The following RUNX1T1 variants were observed in gnomAD, a reference collection of about 807,000 sequenced individuals.
RUNX1T1 encodes the protein RUNX1 partner transcriptional co-repressor 1.
In RUNX1T1, 4 loss-of-function variants were observed where a neutral mutation model predicts 62.8. That is an observed-to-expected ratio of 0.06 (90% CI 0.03 to 0.15). The LOEUF (loss-of-function observed/expected upper bound fraction) is 0.15. RUNX1T1 is among the 10% of genes least tolerant of loss of function. The pLI, the probability that RUNX1T1 is intolerant of heterozygous loss-of-function variation, is 1.00. For missense variants in RUNX1T1, 508 were observed against 754.3 expected, an observed-to-expected ratio of 0.67 and a Z score of 3.82; for synonymous variants, 291 against 286.0, an observed-to-expected ratio of 1.02 and a Z score of -0.18.
intron 1 of RUNX1T1, among the ~76,000 whole-genome samples, chr8:92,054,183 T>C (rs1830658175): frequency 6.6e-6 from 1 of 151,978 alleles, no homozygotes. Flanking sequence ...TGTTTTATTA[T>C]GTGATCACCA....
chr8:92,011,334 T>C (rs1277509639), intron 3 of RUNX1T1, among the ~76,000 whole-genome samples: 2 of 152,236 alleles, frequency 1.3e-5, no homozygotes, highest in African/African-American at 4.8e-5. Context: ...TTGAGGATAA[T>C]GTGCATGATC....
chr8:92,090,023 G>A (rs563884785), intron 1 of RUNX1T1, among the ~76,000 whole-genome samples: 7 of 149,420 alleles, frequency 4.7e-5, no homozygotes, highest in African/African-American at 1.2e-4. Flanking sequence ...AGACTTGTCC[G>A]TATGAGAGTT....
At chr8:91,989,739 T>G (rs1817278506) in intron 6 of RUNX1T1, among the ~76,000 whole-genome samples, 1 of 152,176 alleles carries the variant, frequency 6.6e-6, no homozygotes, top group South Asian at 2.1e-4. Flanking sequence ...TTTCAGTCCT[T>G]AAGTCATAAA....
chr8:91,960,173 C>T, exon 11 of RUNX1T1: 2 of 1,488,742 alleles, frequency 1.3e-6, no homozygotes, highest in Non-Finnish European at 9.1e-7. Flanking sequence ...CAACTTTGAG[C>T]ATCTGAGGAT....
At chr8:92,065,587 A>G (rs1832755912), upstream of RUNX1T1, among the ~76,000 whole-genome samples, 1 of 152,236 alleles carries the variant, frequency 6.6e-6, no homozygotes, top group South Asian at 2.1e-4. Context: ...GTTTTCTGAC[A>G]ACTTTAGATC....
chr8:91,972,242 G>C (rs1236182471), intron 9 of RUNX1T1, among the ~76,000 whole-genome samples: 3 of 152,030 alleles, frequency 2.0e-5, no homozygotes, highest in African/African-American at 7.2e-5. Flanking sequence ...CACATCTATT[G>C]TCCATGACTT....
chr8:92,096,927 C>T (rs1837795622), intron 1 of RUNX1T1, among the ~76,000 whole-genome samples: 1 of 152,116 alleles, frequency 6.6e-6, no homozygotes. Flanking sequence ...CTCCAAATCA[C>T]TTGGCCAAAA....
At chr8:92,048,129 T>C (rs1829699954) in intron 1 of RUNX1T1, among the ~76,000 whole-genome samples, 1 of 152,212 alleles carries the variant, frequency 6.6e-6, no homozygotes, top group Admixed American at 6.5e-5. Flanking sequence ...AATGATCCAT[T>C]TTCAATAAAC....
intron 1 of RUNX1T1, among the ~76,000 whole-genome samples, chr8:92,059,267 T>A (rs1315300693): frequency 6.6e-6 from 1 of 152,188 alleles, no homozygotes; most frequent in Non-Finnish European, 1.5e-5. Context: ...TGTCAGTGAA[T>A]GGACTGCTGT....
intron 1 of RUNX1T1, among the ~76,000 whole-genome samples, chr8:92,024,520 A>AAAAT (rs1554625202): frequency 1.1e-4 from 16 of 149,602 alleles, no homozygotes; most frequent in African/African-American, 3.9e-4. Flanking sequence ...AAAAAAAAAA[A>AAAAT]AAAGCAACCC....
intron 10 of RUNX1T1, among the ~76,000 whole-genome samples, chr8:91,967,927 T>A (rs1811981216): frequency 1.3e-5 from 2 of 152,184 alleles, no homozygotes; most frequent in Non-Finnish European, 1.5e-5. Flanking sequence ...AATACTGTGA[T>A]TTTTTAAAAA....
At chr8:92,084,274 G>A (rs1835745104) in intron 1 of RUNX1T1, among the ~76,000 whole-genome samples, 1 of 140,430 alleles carries the variant, frequency 7.1e-6, no homozygotes, top group East Asian at 2.2e-4. Flanking sequence ...TAAAAGATGG[G>A]GTGTTTTGTT....
intron 1 of RUNX1T1, among the ~76,000 whole-genome samples, chr8:92,088,311 T>A (rs1836445618): frequency 6.6e-6 from 1 of 152,222 alleles, no homozygotes; most frequent in South Asian, 2.1e-4. Flanking sequence ...ATGCATAGAC[T>A]CAGAAAATAA....
chr8:91,963,053 CTTCT>C (rs754903666), intron 10 of RUNX1T1, among the ~76,000 whole-genome samples: 13 of 152,110 alleles, frequency 8.5e-5, no homozygotes, highest in Middle Eastern at 3.2e-3. Flanking sequence ...AGAATGGGGG[CTTCT>C]TTATTTTTTA....
intron 1 of RUNX1T1, among the ~76,000 whole-genome samples, chr8:92,060,553 A>ATATATATATATGTGTGTGTG: frequency 3.4e-4 from 22 of 63,930 alleles, no homozygotes; most frequent in South Asian, 5.5e-4. Flanking sequence ...ATATATATAT[A>ATATATATATATGTGTGTGTG]TGTGTGTGTG....
chr8:91,968,773 T>C (rs1051256591), intron 10 of RUNX1T1, among the ~76,000 whole-genome samples: 2 of 152,332 alleles, frequency 1.3e-5, no homozygotes, highest in African/African-American at 2.4e-5. Flanking sequence ...GTTGAGGCTC[T>C]GCCATTTCCT....
chr8:92,040,474 C>G (rs959993573), intron 1 of RUNX1T1, among the ~76,000 whole-genome samples: 1 of 152,138 alleles, frequency 6.6e-6, no homozygotes, highest in Non-Finnish European at 1.5e-5. Flanking sequence ...TGAATAAATA[C>G]ACTGTGGCAA....
At chr8:91,998,441 A>C (rs1052201317) in intron 5 of RUNX1T1, among the ~76,000 whole-genome samples, 1 of 152,128 alleles carries the variant, frequency 6.6e-6, no homozygotes, top group Admixed American at 6.6e-5. Flanking sequence ...CTCCATTGCT[A>C]AACAACCACC....
At chr8:92,035,626 G>T (rs1827276369) in intron 1 of RUNX1T1, among the ~76,000 whole-genome samples, 1 of 152,052 alleles carries the variant, frequency 6.6e-6, no homozygotes. Flanking sequence ...CTACATCAGT[G>T]AATACTTTGC....
Sources: gnomAD v4.1 joint callset for allele counts (sites outside exome capture counted in the v4.1 genomes callset) on GRCh38, gnomAD v4.1.1 for gene constraint, MANE v1.5 for transcripts, NCBI Gene and HGNC (gene_info 2026-07-23, HGNC 2026-07-21) for gene names.